The following GREB1L variants were observed in gnomAD, a reference collection of about 807,000 sequenced individuals.
The protein encoded by GREB1L is GREB1-like protein.
In GREB1L, 17 loss-of-function variants were observed where a neutral mutation model predicts 200.8. The ratio of observed to expected loss-of-function variants is 0.08; its 90% CI spans 0.06 to 0.13. GREB1L has a LOEUF of 0.13. GREB1L is among the 10% of genes least tolerant of loss of function. The pLI is 1.00. For missense variants in GREB1L, 1,657 were observed against 2,367.7 expected (o/e 0.70, Z 6.23); for synonymous variants, 789 against 893.0 (o/e 0.88, Z 2.08).
chr18:21,434,499 A>ATATGTG (rs1392320151), intron 7 of GREB1L, among the ~76,000 whole-genome samples: 1 of 127,286 alleles, frequency 7.9e-6, no homozygotes, highest in African/African-American at 3.4e-5. Flanking sequence ...ATATATATAT[A>ATATGTG]TGTGTGTGTG....
intron 1 of GREB1L, among the ~76,000 whole-genome samples, chr18:21,274,507 C>T (rs2038130070): frequency 6.6e-6 from 1 of 152,106 alleles, no homozygotes; most frequent in Admixed American, 6.6e-5. Flanking sequence ...ACTTCCCAGG[C>T]TCAGGTGATT....
At position 21,522,870 on chromosome 18, in the gene GREB1L, CAG is replaced by C. The variant is rs1290693781; in HGVS notation, c.*51_*52del. 1 of 1,458,212 alleles carries C rather than the reference CAG, an allele frequency of 6.9e-7. No individual in the cohort carries two copies. The highest frequency in any genetic ancestry group is 9.2e-7 in the Non-Finnish European group (1 of 1,090,808). The allele number at this position is 1,458,212 out of a possible 1,614,324, so 90.3% of individuals were successfully genotyped here. A position where few individuals can be genotyped will look rare whatever the true frequency, so the allele number is the denominator to read the frequency against. ...AAAAAGATGCCTAGGTGGGATGGGA[CAG>C]AAACAATTTGGGATTTTTCTTTTTC... On this transcript the variant is annotated 3_prime_UTR_variant, in exon 33 of 33. Coordinates refer to ENST00000424526, the MANE Select transcript of GREB1L (RefSeq NM_001142966.3).
intron 1 of GREB1L, among the ~76,000 whole-genome samples, chr18:21,253,531 G>A (rs2037748140): frequency 1.3e-5 from 2 of 152,052 alleles, no homozygotes; most frequent in African/African-American, 4.8e-5. Context: ...AATTATAGGT[G>A]TGAGCCACCG....
chr18:21,477,459 G>T (rs2035747005), intron 17 of GREB1L, 103 bp downstream of exon 17: 4 of 924,298 alleles, frequency 4.3e-6, no homozygotes, highest in Non-Finnish European at 6.0e-6. Context: ...ATATTCATAA[G>T]AATTCAAAAT....
At chr18:21,487,517 G>C (rs865841270) in intron 18 of GREB1L, among the ~76,000 whole-genome samples, 1 of 152,156 alleles carries the variant, frequency 6.6e-6, no homozygotes, top group South Asian at 2.1e-4. Context: ...ATACCTGAAG[G>C]GACCAGCCCA....
chr18:21,445,923 A>G (rs1243997540), intron 11 of GREB1L, among the ~76,000 whole-genome samples: 4 of 152,236 alleles, frequency 2.6e-5, no homozygotes, highest in African/African-American at 4.8e-5. Flanking sequence ...GCCAACTTCT[A>G]AATGCACCCA....
chr18:21,381,241 C>T (rs1445450054), intron 2 of GREB1L, among the ~76,000 whole-genome samples: 2 of 151,128 alleles, frequency 1.3e-5, no homozygotes, highest in Non-Finnish European at 2.9e-5. Context: ...GACTCCGTCT[C>T]AAAAATAATA....
chr18:21,437,272 G>A (rs534135699), intron 7 of GREB1L, among the ~76,000 whole-genome samples: 19 of 152,186 alleles, frequency 1.2e-4, no homozygotes, highest in African/African-American at 4.1e-4. Context: ...ACTTTACACA[G>A]CCCACTTTTG....
At chr18:21,362,601 C>A (rs1598695367) in intron 1 of GREB1L, among the ~76,000 whole-genome samples, 2 of 152,114 alleles carry the variant, frequency 1.3e-5, no homozygotes, top group Admixed American at 6.5e-5. Context: ...TTAGCTCCAA[C>A]AGAGGTTTTC....
chr18:21,508,627 G>C (rs1019880742), intron 27 of GREB1L, 36 bp downstream of exon 27: 1 of 1,504,076 alleles, frequency 6.6e-7, no homozygotes, highest in Admixed American at 2.0e-5. Flanking sequence ...GAAGGGCTTC[G>C]AAGATAAACT....
intron 1 of GREB1L, among the ~76,000 whole-genome samples, chr18:21,282,825 C>T (rs2038292619): frequency 6.6e-6 from 1 of 152,156 alleles, no homozygotes; most frequent in Non-Finnish European, 1.5e-5. Flanking sequence ...GTCTCGAACC[C>T]CTGACCTTAT....
chr18:21,425,001 T>C (rs548559640), intron 7 of GREB1L, among the ~76,000 whole-genome samples: 3 of 152,360 alleles, frequency 2.0e-5, no homozygotes, highest in Non-Finnish European at 4.4e-5. Context: ...TCCTTTTTAC[T>C]GCTGAATAAT....
chr18:21,377,051 A>C (rs971387276), intron 2 of GREB1L, among the ~76,000 whole-genome samples: 3 of 152,166 alleles, frequency 2.0e-5, no homozygotes, highest in Non-Finnish European at 4.4e-5. Context: ...AAGGACAGTA[A>C]AAAATATGAG....
intron 1 of GREB1L, among the ~76,000 whole-genome samples, chr18:21,348,761 C>T (rs1393082681): frequency 6.6e-6 from 1 of 151,750 alleles, no homozygotes. Context: ...GGCAACAGAG[C>T]CAGACTCCAT....
intron 1 of GREB1L, among the ~76,000 whole-genome samples, chr18:21,304,449 G>A (rs2038667552): frequency 6.6e-6 from 1 of 151,900 alleles, no homozygotes; most frequent in African/African-American, 2.4e-5. Context: ...GCCTATAGAG[G>A]ACATTTAAAG....
chr18:21,370,831 A>C (rs1031829144), intron 2 of GREB1L, among the ~76,000 whole-genome samples: 83 of 152,266 alleles, frequency 5.5e-4, no homozygotes, highest in African/African-American at 1.9e-3. Flanking sequence ...ATAATTCCAC[A>C]CTTTGAGAGC....
At chr18:21,403,207 T>C (rs1010687701) in intron 6 of GREB1L, among the ~76,000 whole-genome samples, 7 of 152,210 alleles carry the variant, frequency 4.6e-5, no homozygotes, top group Admixed American at 4.6e-4. Flanking sequence ...GCTGTCATAG[T>C]ATTTACTATC....
At chr18:21,309,042 T>C (rs2038749154) in intron 1 of GREB1L, among the ~76,000 whole-genome samples, 1 of 152,218 alleles carries the variant, frequency 6.6e-6, no homozygotes, top group African/African-American at 2.4e-5. Context: ...TCTGGGCAGA[T>C]GGAAGATTTC....
At position 21,454,460 on chromosome 18, in the gene GREB1L, C is replaced by A. The variant is rs1319003856; in HGVS notation, c.2079C>A (p.Ser693Arg). 1 of 1,551,502 alleles carries A rather than the reference C, an allele frequency of 6.4e-7. No homozygotes were observed. The highest frequency in any genetic ancestry group is 1.2e-5 in the South Asian group (1 of 84,052). The change falls in exon 15 of 33, where the codon AGC becomes AGA. Residue 693 changes from serine to arginine, a missense_variant. Physicochemically the swap from Ser to Arg is moderately radical, Grantham distance 110 (BLOSUM62 -1). Around this residue, in one of 9 missense-constraint regions of GREB1L, gnomAD observed 239 missense variants for 421.8 expected, o/e 0.57. Coordinates refer to ENST00000424526, the MANE Select transcript of GREB1L (RefSeq NM_001142966.3). Reference sequence around the variant, plus strand: ...TGTGTGCTATAGCGGACAGTGGCAGCCAGAGCCTGGACCTCGGTCACTTCA... The same window carrying A: ...TGTGTGCTATAGCGGACAGTGGCAGACAGAGCCTGGACCTCGGTCACTTCA... ...SQVCAIADSG[S>R]QSLDLGHFSK...
Sources: gnomAD v4.1 joint callset for allele counts (sites outside exome capture counted in the v4.1 genomes callset) on GRCh38, gnomAD v4.1.1 for gene constraint, gnomAD v4.1.1 regional missense constraint, MANE v1.5 for transcripts, NCBI Gene and HGNC (gene_info 2026-07-23, HGNC 2026-07-21) for gene names.